Variants in GSK3B observed in about 807,000 individuals in gnomAD.
The protein encoded by GSK3B is glycogen synthase kinase-3 beta.
In GSK3B, 15 loss-of-function variants were observed where a neutral mutation model predicts 56.4. That is an observed-to-expected ratio of 0.27 (90% confidence interval 0.18 to 0.41). GSK3B has a LOEUF of 0.41. GSK3B is among the 10% of genes least tolerant of loss of function. GSK3B has a pLI of 1.00. For missense variants in GSK3B, 300 were observed against 513.4 expected (o/e 0.58, Z 4.02); for synonymous variants, 181 against 188.9 (o/e 0.96, Z 0.34).
chr3:119,826,794 G>C lies in GSK3B; in HGVS notation c.1257C>G (p.Ser419=). 6.2e-7 allele frequency: 1 copy of C among 1,609,770 alleles called. No homozygotes were observed. The highest frequency in any genetic ancestry group is 8.5e-7 in the Non-Finnish European group (1 of 1,176,024). The change falls in exon 11 of 11, where the codon TCC becomes TCG. Residue 419 remains serine (S), a synonymous_variant. Coordinates refer to ENST00000264235, the MANE Select transcript of GSK3B (RefSeq NM_001146156.2). ...GCTGGCTGCTCGGGACTGTTCAGGTGGAGTTGGAAGCTGATGCAGAAGCAG... is the reference window on the plus strand; with the variant it reads ...GCTGGCTGCTCGGGACTGTTCAGGTCGAGTTGGAAGCTGATGCAGAAGCAG... ...NNAASASASN[S]T
intron 5 of GSK3B, among the ~76,000 whole-genome samples, chr3:119,913,883 C>T (rs1269725187): frequency 1.3e-5 from 2 of 151,998 alleles, no homozygotes; most frequent in Non-Finnish European, 2.9e-5. Flanking sequence ...AAATACTAAT[C>T]CCTGTTTTTA....
At chr3:119,919,561 T>C (rs1302217151) in intron 4 of GSK3B, among the ~76,000 whole-genome samples, 1 of 151,810 alleles carries the variant, frequency 6.6e-6, no homozygotes, top group Non-Finnish European at 1.5e-5. Flanking sequence ...AATCATCCCT[T>C]TTCCCACAAG....
chr3:120,025,777 C>T (rs1356559044), intron 1 of GSK3B, among the ~76,000 whole-genome samples: 1 of 152,080 alleles, frequency 6.6e-6, no homozygotes, highest in East Asian at 1.9e-4. Context: ...GGTTGGGGGA[C>T]ACATGCGGCA....
intron 1 of GSK3B, chr3:120,029,556 T>A: frequency 1.7e-6 from 1 of 604,766 alleles, no homozygotes; most frequent in Non-Finnish European, 3.2e-6. Flanking sequence ...ACTTGGTGCA[T>A]CTGGCACCAT....
chr3:119,872,359 A>G (rs2056259667), intron 8 of GSK3B, among the ~76,000 whole-genome samples: 1 of 152,176 alleles, frequency 6.6e-6, no homozygotes, highest in South Asian at 2.1e-4. Flanking sequence ...GACCTTCCTG[A>G]GAGTGAAGAG....
At chr3:120,072,983 A>G (rs990539325) in intron 1 of GSK3B, among the ~76,000 whole-genome samples, 13 of 152,298 alleles carry the variant, frequency 8.5e-5, no homozygotes, top group Middle Eastern at 3.4e-3. Context: ...GTAGTTAAGA[A>G]TAAGAGCTCT....
intron 1 of GSK3B, among the ~76,000 whole-genome samples, chr3:120,083,376 A>T (rs2058438160): frequency 6.6e-6 from 1 of 152,170 alleles, no homozygotes; most frequent in South Asian, 2.1e-4. Context: ...CAGCAGTTGG[A>T]CGAGGGCTCC....
chr3:120,024,721 A>G (rs2107513749), intron 1 of GSK3B, among the ~76,000 whole-genome samples: 1 of 152,336 alleles, frequency 6.6e-6, no homozygotes, highest in East Asian at 1.9e-4. Context: ...AATTAAGTCC[A>G]TAATGGAGTA....
At chr3:119,848,358 G>A (rs372039399) in intron 9 of GSK3B, among the ~76,000 whole-genome samples, 2 of 152,062 alleles carry the variant, frequency 1.3e-5, no homozygotes, top group African/African-American at 4.8e-5. Flanking sequence ...TATCCTCTGA[G>A]CTACAGCACA....
At chr3:119,940,648 T>C (rs767792689) in intron 3 of GSK3B, among the ~76,000 whole-genome samples, 6 of 152,194 alleles carry the variant, frequency 3.9e-5, no homozygotes, top group East Asian at 3.8e-4. Flanking sequence ...TAGCTTGCTA[T>C]AATTATATCT....
At position 119,826,570 on chromosome 3, in the gene GSK3B, CT is replaced by C; in HGVS notation, c.*217del. 1 of 633,998 alleles carries C rather than the reference CT, an allele frequency of 1.6e-6. No homozygotes were observed. The allele number at this position is 633,998 out of a possible 1,614,324, so 39.3% of individuals were successfully genotyped here. On this transcript the variant is annotated 3_prime_UTR_variant, in exon 11 of 11. Transcript: ENST00000264235. ...CCCTCCCCACAACCCCTCCCACCCC[CT>C]GGATCTCCCTCAAAGTGAGAATACA... is the stretch of plus-strand genomic sequence containing the variant.
intron 1 of GSK3B, among the ~76,000 whole-genome samples, chr3:120,017,153 T>G (rs2057834315): frequency 6.6e-6 from 1 of 152,140 alleles, no homozygotes; most frequent in African/African-American, 2.4e-5. Context: ...GGTTACCAGA[T>G]TATCAAAGAA....
chr3:120,075,582 C>A (rs573213202), intron 1 of GSK3B, among the ~76,000 whole-genome samples: 32 of 152,124 alleles, frequency 2.1e-4, no homozygotes, highest in African/African-American at 7.5e-4. Flanking sequence ...CATTTCCATA[C>A]ACAAATAATG....
chr3:120,062,095 G>A (rs1180156767), intron 1 of GSK3B, among the ~76,000 whole-genome samples: 12 of 152,056 alleles, frequency 7.9e-5, no homozygotes, highest in Non-Finnish European at 1.5e-5. Flanking sequence ...ACTAAGTATT[G>A]CATTTCTAAT....
chr3:119,868,926 G>A (rs1303571773), intron 8 of GSK3B, among the ~76,000 whole-genome samples: 1 of 152,062 alleles, frequency 6.6e-6, no homozygotes, highest in Non-Finnish European at 1.5e-5. Flanking sequence ...ACAATGCCAT[G>A]GATTGTTGAA....
intron 1 of GSK3B, among the ~76,000 whole-genome samples, chr3:120,028,078 C>G (rs527462775): frequency 1.3e-5 from 2 of 152,180 alleles, no homozygotes; most frequent in African/African-American, 2.4e-5. Context: ...GTGCCTCATT[C>G]ATAGTCAATG....
intron 7 of GSK3B, among the ~76,000 whole-genome samples, chr3:119,894,950 G>A (rs2056545918): frequency 1.3e-5 from 2 of 152,070 alleles, no homozygotes; most frequent in African/African-American, 4.8e-5. Flanking sequence ...ATATAGTTTT[G>A]AGGTAAACAG....
At chr3:120,014,564 A>C (rs557082992) in intron 1 of GSK3B, among the ~76,000 whole-genome samples, 1 of 152,340 alleles carries the variant, frequency 6.6e-6, no homozygotes, top group South Asian at 2.1e-4. Context: ...AAGCAGTTGA[A>C]TCAATCAAAT....
At chr3:119,927,361 T>A (rs1016402861) in intron 3 of GSK3B, among the ~76,000 whole-genome samples, 2 of 152,140 alleles carry the variant, frequency 1.3e-5, no homozygotes, top group African/African-American at 4.8e-5. Context: ...GGTGAGCAGC[T>A]GGAAACCTTC....
Sources: allele counts gnomAD v4.1 joint callset (sites outside exome capture counted in the v4.1 genomes callset), GRCh38; gene constraint gnomAD v4.1.1; transcripts MANE v1.5; gene names NCBI Gene and HGNC (gene_info 2026-07-23, HGNC 2026-07-21).